Variants in ROBO2 observed in about 807,000 individuals in gnomAD.
ROBO2 encodes the protein roundabout guidance receptor 2.
ROBO2 carries 53 observed loss-of-function variants against 160.8 expected under a neutral mutation model. The ratio of observed to expected loss-of-function variants is 0.33; its 90% confidence interval spans 0.26 to 0.41. The LOEUF (loss-of-function observed/expected upper bound fraction) is 0.41, where lower values mean the gene tolerates loss of function less well. Among genes scored for constraint, ROBO2 ranks in the 10% least tolerant of loss-of-function variants. The probability of loss-of-function intolerance (pLI) is 1.00; values close to 1 mark genes in which losing one functional copy is unlikely to be tolerated. For missense variants in ROBO2, 1,577 were observed against 1,722.4 expected, an observed-to-expected ratio of 0.92 and a Z score of 1.49; for synonymous variants, 664 against 611.7, an observed-to-expected ratio of 1.09 and a Z score of -1.26.
At chr3:76,272,832 T>TATATAATTTATATATAAAATATATAAA (rs1250115059) in intron 2 of ROBO2, among the ~76,000 whole-genome samples, 737 of 38,282 alleles carry the variant, frequency 0.019, 70 homozygotes, top group African/African-American at 0.058. Context: ...ATATATAAAA[T>TATATAATTTATATATAAAATATATAAA]ATATATATTA....
chr3:75,914,641 C>T (rs947925964), intron 1 of ROBO2, among the ~76,000 whole-genome samples: 3 of 152,124 alleles, frequency 2.0e-5, no homozygotes, highest in African/African-American at 7.2e-5. Flanking sequence ...GACCCAAAAT[C>T]CCTTTGCACA....
chr3:76,036,048 T>C (rs1403002416), intron 2 of ROBO2, among the ~76,000 whole-genome samples: 8 of 152,034 alleles, frequency 5.3e-5, no homozygotes, highest in Non-Finnish European at 1.0e-4. Context: ...ATTCTGGTGC[T>C]GAAAAAAAAT....
intron 2 of ROBO2, among the ~76,000 whole-genome samples, chr3:76,796,274 A>C (rs1486055962): frequency 1.3e-5 from 2 of 152,104 alleles, no homozygotes; most frequent in African/African-American, 4.8e-5. Context: ...TACCTAATCT[A>C]ACCTGAAAAA....
chr3:77,092,970 G>T (rs2070511635), intron 1 of ROBO2, among the ~76,000 whole-genome samples: 1 of 151,836 alleles, frequency 6.6e-6, no homozygotes, highest in Non-Finnish European at 1.5e-5. Flanking sequence ...TCTTGAGCAG[G>T]GTGGGCAAAC....
intron 2 of ROBO2, among the ~76,000 whole-genome samples, chr3:76,840,242 G>C (rs1001429302): frequency 4.6e-5 from 7 of 151,012 alleles, no homozygotes; most frequent in Non-Finnish European, 1.0e-4. Flanking sequence ...GGTTGCTCTT[G>C]CTTTTCTAAT....
intron 2 of ROBO2, among the ~76,000 whole-genome samples, chr3:76,060,677 C>G (rs1025210397): frequency 1.6e-4 from 25 of 152,146 alleles, no homozygotes; most frequent in African/African-American, 5.6e-4. Context: ...CTGTAAATAA[C>G]TAGTCCAAGG....
At chr3:76,365,112 A>G (rs2075737730) in intron 2 of ROBO2, among the ~76,000 whole-genome samples, 1 of 151,978 alleles carries the variant, frequency 6.6e-6, no homozygotes, top group Admixed American at 6.6e-5. Flanking sequence ...GAAGCAAATC[A>G]CAGAGTCTAA....
At chr3:77,346,836 T>G (rs2067702972) in intron 2 of ROBO2, among the ~76,000 whole-genome samples, 1 of 152,146 alleles carries the variant, frequency 6.6e-6, no homozygotes, top group African/African-American at 2.4e-5. Context: ...TCTTCGAATC[T>G]CTCTTAATCC....
chr3:76,227,245 T>A (rs1428878281), intron 2 of ROBO2, among the ~76,000 whole-genome samples: 1 of 152,220 alleles, frequency 6.6e-6, no homozygotes, highest in Admixed American at 6.5e-5. Flanking sequence ...CGGCCTGTCG[T>A]TAGCTCTGTT....
At chr3:76,391,055 G>A (rs1418195013) in intron 2 of ROBO2, among the ~76,000 whole-genome samples, 1 of 151,934 alleles carries the variant, frequency 6.6e-6, no homozygotes, top group Non-Finnish European at 1.5e-5. Context: ...TCAGCACAGT[G>A]CCTAGTAAAT....
chr3:77,116,762 A>G (rs994899264), intron 2 of ROBO2, among the ~76,000 whole-genome samples: 11 of 152,144 alleles, frequency 7.2e-5, no homozygotes, highest in South Asian at 2.1e-4. Context: ...ATGCTTGGCA[A>G]GTCTTTCGCC....
chr3:76,068,924 A>C (rs1249025598), intron 2 of ROBO2, among the ~76,000 whole-genome samples: 1 of 152,176 alleles, frequency 6.6e-6, no homozygotes, highest in East Asian at 1.9e-4. Flanking sequence ...AATATTGTCA[A>C]TTCTGTTTAC....
intron 2 of ROBO2, among the ~76,000 whole-genome samples, chr3:77,294,391 A>G (rs541396766): frequency 7.1e-6 from 1 of 140,808 alleles, no homozygotes; most frequent in Middle Eastern, 3.6e-3. Context: ...CTAGGTCACC[A>G]AAGACATAAA....
chr3:77,330,093 A>G (rs901259443), intron 2 of ROBO2, among the ~76,000 whole-genome samples: 1 of 152,186 alleles, frequency 6.6e-6, no homozygotes, highest in Non-Finnish European at 1.5e-5. Context: ...CCTAAAGTCC[A>G]AATGTAATAT....
intron 2 of ROBO2, among the ~76,000 whole-genome samples, chr3:77,294,934 A>T (rs2061864669): frequency 6.6e-6 from 1 of 151,944 alleles, no homozygotes; most frequent in African/African-American, 2.4e-5. Flanking sequence ...CATAAAGTAA[A>T]ATTGATGGTT....
intron 2 of ROBO2, among the ~76,000 whole-genome samples, chr3:76,453,801 A>G (rs1577307328): frequency 1.3e-5 from 2 of 152,172 alleles, no homozygotes; most frequent in East Asian, 1.9e-4. Context: ...ATTTTGTGAT[A>G]TATGATTTAG....
intron 2 of ROBO2, among the ~76,000 whole-genome samples, chr3:77,448,574 C>T (rs2080802465): frequency 6.7e-6 from 1 of 148,868 alleles, no homozygotes; most frequent in Admixed American, 6.7e-5. Context: ...CTAGAGTTAA[C>T]TAATGGATAC....
intron 2 of ROBO2, among the ~76,000 whole-genome samples, chr3:77,018,505 C>T (rs1254304499): frequency 2.6e-5 from 4 of 152,174 alleles, no homozygotes; most frequent in Non-Finnish European, 5.9e-5. Flanking sequence ...CTTTTCACTA[C>T]AAGGCTATAT....
At chr3:76,000,931 A>G (rs1278035008) in intron 2 of ROBO2, among the ~76,000 whole-genome samples, 1 of 152,194 alleles carries the variant, frequency 6.6e-6, no homozygotes, top group African/African-American at 2.4e-5. Context: ...TATTCATACT[A>G]AATATGATTT....
Sources: allele counts gnomAD v4.1 joint callset (sites outside exome capture counted in the v4.1 genomes callset), GRCh38; gene constraint gnomAD v4.1.1; transcripts MANE v1.5; gene names NCBI Gene and HGNC (gene_info 2026-07-23, HGNC 2026-07-21).